The following PAPOLA variants were observed in gnomAD, a reference collection of about 807,000 sequenced individuals.
PAPOLA encodes the protein poly(A) polymerase alpha.
PAPOLA carries 15 observed loss-of-function variants against 100.6 expected under a neutral mutation model. The ratio of observed to expected loss-of-function variants is 0.15; its 90% CI spans 0.10 to 0.23. The LOEUF is 0.23. PAPOLA is among the 10% of genes least tolerant of loss of function. PAPOLA has a pLI of 1.00. For missense variants in PAPOLA, 533 were observed against 884.2 expected, an observed-to-expected ratio of 0.60 and a Z score of 5.04; for synonymous variants, 293 against 300.0, an observed-to-expected ratio of 0.98 and a Z score of 0.24.
At chr14:96,539,663 G>A (rs566865427) in intron 12 of PAPOLA, among the ~76,000 whole-genome samples, 1 of 152,160 alleles carries the variant, frequency 6.6e-6, no homozygotes, top group African/African-American at 2.4e-5. Flanking sequence ...AGGCACTTGC[G>A]CATCATAAAC....
intron 2 of PAPOLA, 45 bp from the exon 3 acceptor site, chr14:96,520,961 C>A: frequency 1.1e-6 from 1 of 874,444 alleles, no homozygotes; most frequent in South Asian, 1.4e-5. Flanking sequence ...GAAATTTAAT[C>A]AGTAATGATC....
At chr14:96,519,994 A>T in intron 1 of PAPOLA, 61 bp from the exon 2 acceptor site, 1 of 1,362,560 alleles carries the variant, frequency 7.3e-7, no homozygotes, top group Non-Finnish European at 1.0e-6. Context: ...TTCTGGTCTT[A>T]CTGATTTGTT....
chr14:96,533,988 A>G, intron 9 of PAPOLA: 2 of 986,124 alleles, frequency 2.0e-6, no homozygotes, highest in Non-Finnish European at 2.4e-6. Flanking sequence ...TTTATGGAAC[A>G]CATATGAAAA....
intron 10 of PAPOLA, 166 bp downstream of exon 10, chr14:96,534,729 G>T: frequency 7.0e-7 from 1 of 1,433,682 alleles, no homozygotes; most frequent in South Asian, 1.5e-5. Flanking sequence ...AACTATAATT[G>T]ATGTGAGAAG....
At chr14:96,533,166 A>G (rs1166642333) in intron 9 of PAPOLA, 1 of 984,090 alleles carries the variant, frequency 1.0e-6, no homozygotes, top group African/African-American at 1.7e-5. Flanking sequence ...TTAGTCATTA[A>G]CCCAGATTTT....
chr14:96,557,163 A>C (rs1405743211), intron 19 of PAPOLA, among the ~76,000 whole-genome samples: 14 of 152,052 alleles, frequency 9.2e-5, no homozygotes, highest in Non-Finnish European at 1.5e-5. Context: ...CTCCCACCTC[A>C]GCCTCCCAAG....
At chr14:96,555,717 T>C in intron 17 of PAPOLA, 130 bp from the exon 18 acceptor site, 1 of 486,734 alleles carries the variant, frequency 2.1e-6, no homozygotes, top group Non-Finnish European at 3.6e-6. Flanking sequence ...AAATTGTATG[T>C]ATAGGAAGTA....
chr14:96,529,574 T>C (rs1898806138), intron 6 of PAPOLA, among the ~76,000 whole-genome samples: 1 of 151,842 alleles, frequency 6.6e-6, no homozygotes, highest in Admixed American at 6.6e-5. Context: ...TAGAAAAAAT[T>C]AGCCAGGCAT....
At chr14:96,508,402 TGTG>T in intron 1 of PAPOLA, among the ~76,000 whole-genome samples, 1 of 152,334 alleles carries the variant, frequency 6.6e-6, no homozygotes, top group East Asian at 1.9e-4. Flanking sequence ...GGTTTTGAGA[TGTG>T]GTGTTCTGCC....
Position 96,528,003 on chromosome 14 carries a change from A to G in PAPOLA, c.492A>G (p.Ile164Met). ...TTATTAAACTCTGTTTTGATGGGATAGAGGTAAGGTATAGTTCAAATTGAC... is the reference window on the plus strand; with the variant it reads ...TTATTAAACTCTGTTTTGATGGGATGGAGGTAAGGTATAGTTCAAATTGAC... ...VPVIKLCFDG[I>M]EIDILFARLA... Residue 164 changes from isoleucine (I) to methionine (M), a missense_variant, in exon 6 of 22, where the codon ATA (isoleucine) becomes ATG (methionine). Physicochemically the swap from Ile to Met is conservative, Grantham distance 10 (BLOSUM62 1). This residue lies in a region of PAPOLA where 33 missense variants were observed against 39.2 expected (regional missense o/e 0.84). Transcript: ENST00000216277. The G allele has an allele frequency of 1.3e-6, 2 of 1,592,174 alleles. No individual in the cohort carries two copies. The highest frequency in any genetic ancestry group is 1.7e-6 in the Non-Finnish European group (2 of 1,160,228).
At chr14:96,535,800 C>G in intron 10 of PAPOLA, 79 bp from the exon 11 acceptor site, 2 of 1,183,678 alleles carry the variant, frequency 1.7e-6, no homozygotes, top group Middle Eastern at 4.6e-4. Flanking sequence ...ATCATTGGTT[C>G]AGTTTAACAA....
intron 20 of PAPOLA, chr14:96,562,557 T>G (rs1285851158): frequency 1.6e-5 from 4 of 257,488 alleles, no homozygotes; most frequent in African/African-American, 9.0e-5. Flanking sequence ...ATGTCCCAAG[T>G]TGGAGCTGGT....
chr14:96,516,388 T>TCCTCCCTC (rs979752360), intron 1 of PAPOLA, among the ~76,000 whole-genome samples: 1 of 150,580 alleles, frequency 6.6e-6, no homozygotes, highest in East Asian at 1.9e-4. Flanking sequence ...CTTTCTTCCT[T>TCCTCCCTC]CCTCCCTCCC....
At chr14:96,530,053 G>T (rs1898859845) in intron 6 of PAPOLA, among the ~76,000 whole-genome samples, 1 of 152,006 alleles carries the variant, frequency 6.6e-6, no homozygotes, top group African/African-American at 2.4e-5. Context: ...AATTATTTTT[G>T]GCTAAATGTA....
chr14:96,507,279 A>AGTTTTTTGTTTTTTT (rs1491010181), intron 1 of PAPOLA, among the ~76,000 whole-genome samples: 1 of 104,704 alleles, frequency 9.6e-6, no homozygotes, highest in African/African-American at 3.7e-5. Context: ...TTTGGAAAAT[A>AGTTTTTTGTTTTTTT]GTTTTTTTTT....
At chr14:96,511,594 A>G (rs1595498464) in intron 1 of PAPOLA, among the ~76,000 whole-genome samples, 1 of 152,116 alleles carries the variant, frequency 6.6e-6, no homozygotes, top group African/African-American at 2.4e-5. Flanking sequence ...TTTTTTCCCA[A>G]ACTTCTACTT....
chr14:96,510,821 A>G (rs940025839), intron 1 of PAPOLA, among the ~76,000 whole-genome samples: 13 of 152,212 alleles, frequency 8.5e-5, no homozygotes, highest in Non-Finnish European at 1.6e-4. Context: ...TTAATTTCTT[A>G]GCAAATAGAT....
intron 1 of PAPOLA, 32 bp downstream of exon 1, chr14:96,502,632 C>A (rs532948212): frequency 1.3e-6 from 2 of 1,563,640 alleles, no homozygotes; most frequent in Admixed American, 1.8e-5. Flanking sequence ...TTCTTTCGCT[C>A]GCCGGCTGGG....
At chr14:96,559,550 CCTCTCTCTCTCTCT>C (rs66829530) in intron 19 of PAPOLA, among the ~76,000 whole-genome samples, 2 of 118,484 alleles carry the variant, frequency 1.7e-5, no homozygotes, top group African/African-American at 6.7e-5. Flanking sequence ...GCTAAATTAA[CCTCTCTCTCTCTCT>C]CTCTCTCTCT....
Sources: gnomAD v4.1 joint callset for allele counts (sites outside exome capture counted in the v4.1 genomes callset) on GRCh38, gnomAD v4.1.1 for gene constraint, gnomAD v4.1.1 regional missense constraint, MANE v1.5 for transcripts, NCBI Gene and HGNC (gene_info 2026-07-23, HGNC 2026-07-21) for gene names.